SLC5A1: variants seen among roughly 807,000 people sequenced by gnomAD.
SLC5A1 encodes the protein sodium/glucose cotransporter 1.
In SLC5A1, 42 loss-of-function variants were observed where a neutral mutation model predicts 73.5. The observed-to-expected ratio is 0.57, with a 90% CI of 0.45 to 0.74. The LOEUF (loss-of-function observed/expected upper bound fraction) is 0.74, where lower values mean the gene tolerates loss of function less well. Among genes scored for constraint, SLC5A1 ranks in the 30% least tolerant of loss-of-function variants. SLC5A1 has a pLI of 0.00. For synonymous variants in SLC5A1, 300 were observed against 317.4 expected, an observed-to-expected ratio of 0.95 and a Z score of 0.58; for missense variants, 634 against 855.4, an observed-to-expected ratio of 0.74 and a Z score of 3.23.
At chr22:32,044,315 TA>T (rs1025527133) in intron 1 of SLC5A1, among the ~76,000 whole-genome samples, 1 of 151,820 alleles carries the variant, frequency 6.6e-6, no homozygotes, top group South Asian at 2.1e-4. Context: ...TCTACAAAAA[TA>T]AAAAAAATTA....
chr22:32,097,988 G>A (rs1179018903), intron 11 of SLC5A1, among the ~76,000 whole-genome samples: 1 of 152,208 alleles, frequency 6.6e-6, no homozygotes, highest in Admixed American at 6.5e-5. Flanking sequence ...CTAGGCATCA[G>A]GGAAATGGAG....
Position 32,078,954 on chromosome 22 carries a change from C to CAAAAA in SLC5A1, c.478-2886_478-2882dup, listed in dbSNP as rs6147589. Among the ~76,000 whole-genome samples the CAAAAA allele has an allele frequency of 4.1e-3, 451 of 109,028 alleles. 11 individuals carry two copies. The highest frequency in any genetic ancestry group is 7.4e-3 in the African/African-American group (168 of 22,704). 71.5% of individuals were successfully genotyped at this position (109,028 alleles called of 152,430 possible). On this transcript the variant is annotated intron_variant, in intron 5 of 14. Coordinates refer to ENST00000266088, the MANE Select transcript of SLC5A1 (RefSeq NM_000343.4). ...TGGCGAAAGAGCAAGACTCTGTCTC[C>CAAAAA]AAAAAAAAAAAAAAAAAAAAAAAAA...
intron 2 of SLC5A1, among the ~76,000 whole-genome samples, chr22:32,057,447 G>T (rs2093953582): frequency 6.6e-6 from 1 of 151,754 alleles, no homozygotes; most frequent in African/African-American, 2.4e-5. Context: ...TTATTTTTTT[G>T]GAGAGATGGG....
chr22:32,073,350 T>C (rs1379558653), intron 5 of SLC5A1, among the ~76,000 whole-genome samples: 1 of 152,182 alleles, frequency 6.6e-6, no homozygotes, highest in Non-Finnish European at 1.5e-5. Context: ...CTGAACTTGG[T>C]GAAAACAGGC....
chr22:32,067,084 T>A, intron 3 of SLC5A1, 45 bp downstream of exon 3: 3 of 1,436,302 alleles, frequency 2.1e-6, no homozygotes, highest in Non-Finnish European at 2.0e-6. Flanking sequence ...GGAAGGAGCC[T>A]TAGCAGTCAA....
Position 32,109,907 on chromosome 22 carries a change from C to T in SLC5A1, c.1772-83C>T. ...GGAAATTTCTGCAGAATAGCAGATG[C>T]TTCATGGTGTGGCTTCTCCCCTGAA... is the stretch of plus-strand genomic sequence containing the variant. On this transcript the variant is annotated intron_variant, in intron 14 of 14. Transcript: ENST00000266088. 2.0e-6 allele frequency: 2 copies of T among 1,025,332 alleles called. 1 individual carries two copies. The highest frequency in any genetic ancestry group is 4.0e-4 in the Middle Eastern group (2 of 5,002). 63.5% of individuals were successfully genotyped at this position (1,025,332 alleles called of 1,614,324 possible). A position where few individuals can be genotyped will look rare whatever the true frequency, so the allele number is the denominator to read the frequency against.
intron 1 of SLC5A1, among the ~76,000 whole-genome samples, chr22:32,047,059 A>C (rs1166759231): frequency 6.6e-6 from 1 of 152,256 alleles, no homozygotes; most frequent in Non-Finnish European, 1.5e-5. Context: ...TGAACAAGGC[A>C]TAAGTGAAGT....
At chr22:32,091,589 A>G (rs971547426) in intron 10 of SLC5A1, 23 bp from the exon 11 acceptor site, 2 of 1,613,852 alleles carry the variant, frequency 1.2e-6, no homozygotes, top group Non-Finnish European at 1.7e-6. Flanking sequence ...GTTATGTGCC[A>G]CTCAAAAATC....
intron 13 of SLC5A1, among the ~76,000 whole-genome samples, chr22:32,104,553 C>T (rs575564596): frequency 9.2e-5 from 14 of 152,318 alleles, no homozygotes; most frequent in African/African-American, 3.4e-4. Context: ...AATCTTTTAG[C>T]TCTGAATATG....
At chr22:32,104,936 C>T in intron 14 of SLC5A1, 45 bp downstream of exon 14, 1 of 1,319,174 alleles carries the variant, frequency 7.6e-7, no homozygotes, top group South Asian at 1.2e-5. Context: ...AAAGTTACTC[C>T]TACAACAACA....
intron 8 of SLC5A1, 90 bp downstream of exon 8, chr22:32,084,749 G>A (rs1311179767): frequency 3.3e-6 from 5 of 1,506,672 alleles, no homozygotes; most frequent in African/African-American, 2.8e-5. Context: ...GGTTGGGACA[G>A]GGAGGGGAGA....
chr22:32,046,592 G>T (rs2093937480), intron 1 of SLC5A1, among the ~76,000 whole-genome samples: 1 of 152,082 alleles, frequency 6.6e-6, no homozygotes, highest in African/African-American at 2.4e-5. Flanking sequence ...TCCTATGTGG[G>T]CCACACCAAG....
intron 10 of SLC5A1, among the ~76,000 whole-genome samples, chr22:32,090,585 T>A (rs1046301962): frequency 4.6e-5 from 7 of 152,202 alleles, no homozygotes; most frequent in African/African-American, 1.7e-4. Flanking sequence ...ACATTTGTAT[T>A]GCTCCTCCTT....
rs2094059752 is a variant in SLC5A1 at position 32,112,801 on chromosome 22, A to G, written c.*2588A>G. ...TAGTTAGGTGGAATAAGTTCAGAAA[A>G]TCAATTGTACAATGTATCAATTATA... On this transcript the variant is annotated 3_prime_UTR_variant, in exon 15 of 15. Coordinates refer to ENST00000266088, the MANE Select transcript of SLC5A1 (RefSeq NM_000343.4). 1 of 152,198 alleles carries G rather than the reference A, an allele frequency of 6.6e-6. No individual in the cohort carries two copies. Among genetic ancestry groups the G allele is most frequent in the African/African-American group, 2.4e-5 (1 of 41,448 alleles). 9.4% of individuals were successfully genotyped at this position (152,198 alleles called of 1,614,324 possible).
chr22:32,077,985 T>G (rs540802819), intron 5 of SLC5A1, among the ~76,000 whole-genome samples: 2 of 152,376 alleles, frequency 1.3e-5, no homozygotes, highest in South Asian at 4.1e-4. Flanking sequence ...TATTTTCATA[T>G]TTTGGCCTTG....
Position 32,050,158 on chromosome 22 carries a change from C to T in SLC5A1, c.207+144C>T, listed in dbSNP as rs1029723125. ...TCTTGACAGTGAGTCTCATGCTCAT[C>T]GGGTCTCCTGGGCACCCTTAATCTC... On this transcript the variant is annotated intron_variant, in intron 2 of 14. Coordinates refer to ENST00000266088, the MANE Select transcript of SLC5A1 (RefSeq NM_000343.4). 4.9e-5 allele frequency: 38 copies of T among 777,852 alleles called. No homozygotes were observed. The Admixed American group carries it at 5.6e-4, about 12-fold the overall frequency. 48.2% of individuals were successfully genotyped at this position (777,852 alleles called of 1,614,324 possible).
At chr22:32,073,997 G>A (rs1603120797) in intron 5 of SLC5A1, among the ~76,000 whole-genome samples, 2 of 152,326 alleles carry the variant, frequency 1.3e-5, no homozygotes, top group South Asian at 2.1e-4. Context: ...AGAAAGGGCA[G>A]TGTGTCTGTC....
chr22:32,054,306 T>G (rs2093948781), intron 2 of SLC5A1, among the ~76,000 whole-genome samples: 1 of 152,266 alleles, frequency 6.6e-6, no homozygotes, highest in Non-Finnish European at 1.5e-5. Context: ...ATGTGCCAGA[T>G]GCCATGTAGG....
chr22:32,092,014 T>C (rs2094018708), intron 11 of SLC5A1, among the ~76,000 whole-genome samples: 1 of 152,212 alleles, frequency 6.6e-6, no homozygotes, highest in Non-Finnish European at 1.5e-5. Flanking sequence ...AGCTCTTTAG[T>C]GGTGATTTGT....
Sources: allele counts gnomAD v4.1 joint callset (sites outside exome capture counted in the v4.1 genomes callset), GRCh38; gene constraint gnomAD v4.1.1; transcripts MANE v1.5; gene names NCBI Gene and HGNC (gene_info 2026-07-23, HGNC 2026-07-21).